PEMT: variants seen among roughly 807,000 people sequenced by gnomAD.
PEMT encodes the protein phospholipid methyltransferase.
PEMT carries 23 observed loss-of-function variants against 27.4 expected under a neutral mutation model. The ratio of observed to expected loss-of-function variants is 0.84; its 90% CI spans 0.60 to 1.19. PEMT has a LOEUF of 1.19. PEMT is among the 50% of genes most tolerant of loss of function. PEMT has a pLI of 0.00. For missense variants in PEMT, 307 were observed against 310.1 expected (o/e 0.99, Z 0.07); for synonymous variants, 137 against 139.1 (o/e 0.98, Z 0.11).
intron 2 of PEMT, among the ~76,000 whole-genome samples, chr17:17,539,835 C>A (rs896087346): frequency 6.6e-6 from 1 of 152,214 alleles, no homozygotes; most frequent in Non-Finnish European, 1.5e-5. Flanking sequence ...TCTGCCGCAG[C>A]CCCTGTGCCC....
intron 5 of PEMT, among the ~76,000 whole-genome samples, chr17:17,508,618 T>C (rs978722659): frequency 5.3e-5 from 8 of 151,872 alleles, no homozygotes; most frequent in African/African-American, 1.9e-4. Context: ...AAACCTTCTA[T>C]GGAAGAAAAT....
At chr17:17,579,120 G>T (rs73300565) in intron 1 of PEMT, among the ~76,000 whole-genome samples, 6,124 of 152,222 alleles carry the variant, frequency 0.04, 289 homozygotes, top group African/African-American at 0.11. Flanking sequence ...TCTGCCCAGG[G>T]TCAGCCAGCC....
At chr17:17,585,880 A>G (rs1912216528) in intron 1 of PEMT, among the ~76,000 whole-genome samples, 1 of 151,920 alleles carries the variant, frequency 6.6e-6, no homozygotes, top group Non-Finnish European at 1.5e-5. Context: ...CAGGAGATCG[A>G]GATCATCCTG....
chr17:17,533,853 C>T (rs1305412538), intron 2 of PEMT, among the ~76,000 whole-genome samples: 1 of 152,054 alleles, frequency 6.6e-6, no homozygotes, highest in African/African-American at 2.4e-5. Flanking sequence ...GCCTCAGCCT[C>T]CCAAGTAGCT....
intron 2 of PEMT, among the ~76,000 whole-genome samples, chr17:17,557,835 G>C (rs1298405583): frequency 6.6e-6 from 1 of 152,174 alleles, no homozygotes; most frequent in Non-Finnish European, 1.5e-5. Context: ...GCCCATGGCT[G>C]CCAAGCTGAG....
intron 2 of PEMT, among the ~76,000 whole-genome samples, chr17:17,529,340 A>G (rs931539747): frequency 2.6e-5 from 4 of 152,166 alleles, no homozygotes; most frequent in African/African-American, 9.7e-5. Context: ...GGGCCTCTCC[A>G]GGACATAGGA....
chr17:17,533,522 AT>A, intron 2 of PEMT, among the ~76,000 whole-genome samples: 1 of 152,250 alleles, frequency 6.6e-6, no homozygotes, highest in Non-Finnish European at 1.5e-5. Context: ...AAATGATTCT[AT>A]CATGAAAATA....
At chr17:17,577,842 C>T (rs1911721719) in intron 1 of PEMT, among the ~76,000 whole-genome samples, 1 of 151,760 alleles carries the variant, frequency 6.6e-6, no homozygotes, top group Admixed American at 6.6e-5. Context: ...ACGGTGAAAC[C>T]CCATCTCTAC....
intron 2 of PEMT, among the ~76,000 whole-genome samples, chr17:17,550,088 G>T (rs370827076): frequency 6.6e-6 from 1 of 152,214 alleles, no homozygotes; most frequent in African/African-American, 2.4e-5. Flanking sequence ...GATCAGCAGG[G>T]CTGGGCACAG....
At chr17:17,521,000 G>C in intron 3 of PEMT, among the ~76,000 whole-genome samples, 1 of 152,262 alleles carries the variant, frequency 6.6e-6, no homozygotes, top group Non-Finnish European at 1.5e-5. Context: ...GGCTCCGCAC[G>C]TGCTGGCATG....
chr17:17,581,761 G>T (rs536511177), intron 1 of PEMT, among the ~76,000 whole-genome samples: 34 of 152,236 alleles, frequency 2.2e-4, no homozygotes, highest in African/African-American at 7.9e-4. Flanking sequence ...GGAGGGTGGT[G>T]GTGTCCATCC....
chr17:17,540,835 C>T (rs1395869404), intron 2 of PEMT, among the ~76,000 whole-genome samples: 1 of 152,198 alleles, frequency 6.6e-6, no homozygotes, highest in African/African-American at 2.4e-5. Context: ...AGTGAATGGG[C>T]TCCCGAGTGC....
rs1278980845 is a variant in PEMT at position 17,523,057 on chromosome 17, A to C, written c.205-662T>G. 1.3e-5 allele frequency among the ~76,000 whole-genome samples: 2 copies of C among 152,098 alleles called. No homozygotes were observed. The highest frequency in any genetic ancestry group is 3.9e-4 in the East Asian group (2 of 5,192). Reference sequence around the variant, plus strand: ...ACATCTGGCCACCAACGGTGGAGAGAAGGGAGCTCTTCCTGCCTGCCTGCT... The same window carrying C: ...ACATCTGGCCACCAACGGTGGAGAGCAGGGAGCTCTTCCTGCCTGCCTGCT... On this transcript the variant is annotated intron_variant, in intron 2 of 6. Transcript: ENST00000255389. This position sits in a 1 kb window ranked among gnomAD's most constrained non-coding sequence, Gnocchi z 4.8.
chr17:17,516,879 C>T (rs866952487), intron 3 of PEMT, among the ~76,000 whole-genome samples: 23 of 152,194 alleles, frequency 1.5e-4, no homozygotes, highest in African/African-American at 5.5e-4. Context: ...TGGACCCCGC[C>T]CAGTGGCTAC....
chr17:17,579,955 C>G (rs1444449173), intron 1 of PEMT, among the ~76,000 whole-genome samples: 2 of 152,210 alleles, frequency 1.3e-5, no homozygotes, highest in African/African-American at 4.8e-5. Context: ...GCCAACAAGG[C>G]CTGGCGCTCC....
chr17:17,544,362 C>A (rs559933294), intron 2 of PEMT, among the ~76,000 whole-genome samples: 2 of 150,560 alleles, frequency 1.3e-5, no homozygotes, highest in South Asian at 4.2e-4. Flanking sequence ...CTCACTGCAA[C>A]CTCCACCTCC....
chr17:17,535,497 CG>C (rs1384306416), intron 2 of PEMT, among the ~76,000 whole-genome samples: 13 of 150,704 alleles, frequency 8.6e-5, no homozygotes, highest in African/African-American at 3.2e-4. Flanking sequence ...ACCCAGGAGA[CG>C]AGGTTACAGT....
rs868787606 is a variant in PEMT at position 17,551,694 on chromosome 17, G to C, written c.204+25226C>G. On this transcript the variant is annotated intron_variant, in intron 2 of 6. Transcript: ENST00000255389. ...AATGTGACACTGGAAGGAGGGGCCA[G>C]AAACACTGAACAAGGAGAGTCCTGA... Among the ~76,000 whole-genome samples, 49 of 152,228 alleles carry C rather than the reference G, an allele frequency of 3.2e-4. 1 individual carries two copies. The highest frequency in any genetic ancestry group is 1.3e-4 in the Non-Finnish European group (9 of 68,050).
Position 17,550,213 on chromosome 17 carries a change from G to A in PEMT, c.204+26707C>T, listed in dbSNP as rs147062969. On this transcript the variant is annotated intron_variant, in intron 2 of 6. Transcript: ENST00000255389. ...CCCGTGACCCTCTGAGGACACAGAC[G>A]TTCGTGGTTCTCTGTCACCCAAAGG... 9.2e-5 allele frequency among the ~76,000 whole-genome samples: 14 copies of A among 152,308 alleles called. No homozygotes were observed. The East Asian group carries it at 1.7e-3, about 19-fold the overall frequency.
Sources: gnomAD v4.1 joint callset for allele counts (sites outside exome capture counted in the v4.1 genomes callset) on GRCh38, gnomAD v4.1.1 for gene constraint, Gnocchi (gnomAD v3.1) non-coding constraint, MANE v1.5 for transcripts, NCBI Gene and HGNC (gene_info 2026-07-23, HGNC 2026-07-21) for gene names.